The following KCNK13 variants were observed in gnomAD, a reference collection of about 807,000 sequenced individuals.
KCNK13 encodes potassium channel subfamily K member 13.
A neutral mutation model predicts 23.4 loss-of-function variants in KCNK13; 12 were observed. The ratio of observed to expected loss-of-function variants is 0.51; its 90% confidence interval spans 0.33 to 0.83. KCNK13 has a LOEUF of 0.83. Ranked by LOEUF, KCNK13 falls within the 40% of genes least tolerant of loss-of-function variation. The probability of loss-of-function intolerance (pLI) is 0.02; values close to 1 mark genes in which losing one functional copy is unlikely to be tolerated. For synonymous variants in KCNK13, 231 were observed against 229.5 expected, an observed-to-expected ratio of 1.01 and a Z score of -0.06; for missense variants, 463 against 556.3, an observed-to-expected ratio of 0.83 and a Z score of 1.69.
intron 1 of KCNK13, among the ~76,000 whole-genome samples, chr14:90,167,599 A>G (rs1890317984): frequency 6.6e-6 from 1 of 152,170 alleles, no homozygotes; most frequent in African/African-American, 2.4e-5. Context: ...TTTTGATACC[A>G]ATGGTTAAGG....
At chr14:90,069,098 G>A (rs1358772756) in intron 1 of KCNK13, among the ~76,000 whole-genome samples, 9 of 143,922 alleles carry the variant, frequency 6.3e-5, no homozygotes, top group South Asian at 4.5e-4. Context: ...GTGCAGTGGC[G>A]CGATCTTGGC....
intron 1 of KCNK13, among the ~76,000 whole-genome samples, chr14:90,113,890 G>T (rs57907465): frequency 6.6e-6 from 1 of 151,868 alleles, no homozygotes; most frequent in African/African-American, 2.4e-5. Context: ...CCAAGATTGC[G>T]CCACTGAACT....
At chr14:90,138,370 G>T (rs1566643326) in intron 1 of KCNK13, among the ~76,000 whole-genome samples, 1 of 152,018 alleles carries the variant, frequency 6.6e-6, no homozygotes, top group Non-Finnish European at 1.5e-5. Context: ...TTTCCTAATG[G>T]GATCATATTA....
chr14:90,109,211 C>T, intron 1 of KCNK13, among the ~76,000 whole-genome samples: 1 of 151,812 alleles, frequency 6.6e-6, no homozygotes, highest in East Asian at 1.9e-4. Flanking sequence ...TGAAGTTTGC[C>T]TCCTTCTAGA....
intron 1 of KCNK13, among the ~76,000 whole-genome samples, chr14:90,148,648 T>TG (rs1890100876): frequency 6.6e-6 from 1 of 152,086 alleles, no homozygotes; most frequent in Non-Finnish European, 1.5e-5. Flanking sequence ...TGCTGCGCAG[T>TG]GGGAGGGATC....
chr14:90,099,162 G>A (rs528709053), intron 1 of KCNK13, among the ~76,000 whole-genome samples: 2 of 152,262 alleles, frequency 1.3e-5, no homozygotes, highest in African/African-American at 4.8e-5. Context: ...CAAACACTGT[G>A]TGTATGGTTG....
At chr14:90,077,567 G>T (rs1380788750) in intron 1 of KCNK13, among the ~76,000 whole-genome samples, 1 of 152,066 alleles carries the variant, frequency 6.6e-6, no homozygotes, top group Non-Finnish European at 1.5e-5. Flanking sequence ...TCATCTATTT[G>T]CTTACTTTGA....
At chr14:90,178,390 C>T (rs948586786) in intron 1 of KCNK13, among the ~76,000 whole-genome samples, 1 of 151,996 alleles carries the variant, frequency 6.6e-6, no homozygotes, top group African/African-American at 2.4e-5. Flanking sequence ...CTCCCGGGTT[C>T]AAGTGATTCT....
intron 1 of KCNK13, among the ~76,000 whole-genome samples, chr14:90,122,133 T>C (rs1023602516): frequency 2.0e-5 from 3 of 152,134 alleles, no homozygotes; most frequent in African/African-American, 7.2e-5. Flanking sequence ...ATGTACTATA[T>C]TTTATTTGTA....
chr14:90,063,463 A>G (rs527824852), intron 1 of KCNK13, among the ~76,000 whole-genome samples: 24 of 152,274 alleles, frequency 1.6e-4, no homozygotes, highest in African/African-American at 5.3e-4. Flanking sequence ...AGAATAATCA[A>G]GTGATTAATG....
intron 1 of KCNK13, among the ~76,000 whole-genome samples, chr14:90,127,105 A>T (rs1037154564): frequency 2.6e-5 from 4 of 152,226 alleles, no homozygotes; most frequent in Admixed American, 6.5e-5. Context: ...AATGTTAATT[A>T]GTTGCAACGA....
chr14:90,163,550 C>A (rs774644796), intron 1 of KCNK13, among the ~76,000 whole-genome samples: 1 of 152,184 alleles, frequency 6.6e-6, no homozygotes. Context: ...GCCACCAAGT[C>A]GGACCCCACT....
intron 1 of KCNK13, among the ~76,000 whole-genome samples, chr14:90,117,696 A>AG (rs1214447086): frequency 6.6e-6 from 1 of 152,212 alleles, no homozygotes; most frequent in Admixed American, 6.5e-5. Flanking sequence ...ACCTTACGTA[A>AG]GGGGGGACCA....
rs1890516047 is a variant in KCNK13 at position 90,184,013 on chromosome 14, ACT to A, written c.335-93_335-92del. On this transcript the variant is annotated intron_variant, in intron 1 of 1. Transcript: ENST00000282146. The surrounding 1 kb of genome is among the most constrained non-coding windows in gnomAD (Gnocchi z 5.6). ...GACTAAGGCTGAGTGATTTTATGAA[ACT>A]CTCTTTAGGTCCTTTGCCAGCCATC... The A allele has an allele frequency of 1.9e-6, 2 of 1,069,294 alleles. No individual in the cohort carries two copies. The highest frequency in any genetic ancestry group is 2.7e-6 in the Non-Finnish European group (2 of 728,908). 66.2% of individuals were successfully genotyped at this position (1,069,294 alleles called of 1,614,324 possible). A position where few individuals can be genotyped will look rare whatever the true frequency, so the allele number is the denominator to read the frequency against.
intron 1 of KCNK13, among the ~76,000 whole-genome samples, chr14:90,177,901 G>A (rs1358077370): frequency 6.6e-6 from 1 of 152,076 alleles, no homozygotes; most frequent in African/African-American, 2.4e-5. Context: ...TTTAATTGCT[G>A]CAGTATATAG....
intron 1 of KCNK13, among the ~76,000 whole-genome samples, chr14:90,110,637 G>C (rs1889604572): frequency 6.6e-6 from 1 of 152,034 alleles, no homozygotes; most frequent in African/African-American, 2.4e-5. Context: ...AGTGTCTGTG[G>C]ATTCAGGGCA....
chr14:90,125,044 G>A (rs965448283), intron 1 of KCNK13, among the ~76,000 whole-genome samples: 7 of 152,120 alleles, frequency 4.6e-5, no homozygotes, highest in Non-Finnish European at 1.0e-4. Context: ...CAGCTAAAAG[G>A]AGAATGAAGA....
intron 1 of KCNK13, among the ~76,000 whole-genome samples, chr14:90,172,911 A>C (rs1473496385): frequency 1.3e-5 from 2 of 152,234 alleles, no homozygotes; most frequent in Non-Finnish European, 2.9e-5. Flanking sequence ...CTGGCCAAGC[A>C]GATTGTGTGA....
chr14:90,070,944 C>T (rs1051358386), intron 1 of KCNK13, among the ~76,000 whole-genome samples: 1 of 152,120 alleles, frequency 6.6e-6, no homozygotes, highest in African/African-American at 2.4e-5. Flanking sequence ...TTCTGAGAAT[C>T]CTGGATTTGT....
Sources: gnomAD v4.1 joint callset for allele counts (sites outside exome capture counted in the v4.1 genomes callset) on GRCh38, gnomAD v4.1.1 for gene constraint, Gnocchi (gnomAD v3.1) non-coding constraint, MANE v1.5 for transcripts, NCBI Gene and HGNC (gene_info 2026-07-23, HGNC 2026-07-21) for gene names.